Variants in DNAJC21 observed in about 807,000 individuals in gnomAD.
DNAJC21 encodes DnaJ heat shock protein family (Hsp40) member C21.
A neutral mutation model predicts 72.4 loss-of-function variants in DNAJC21; 63 were observed. The ratio of observed to expected loss-of-function variants is 0.87; its 90% CI spans 0.71 to 1.07. The LOEUF is 1.07. Among genes scored for constraint, DNAJC21 ranks in the 50% least tolerant of loss-of-function variants. DNAJC21 has a pLI of 0.00. For synonymous variants in DNAJC21, 203 were observed against 216.7 expected, an observed-to-expected ratio of 0.94 and a Z score of 0.56; for missense variants, 634 against 644.8, an observed-to-expected ratio of 0.98 and a Z score of 0.18.
Position 34,935,803 on chromosome 5 carries a change from C to T in DNAJC21, c.285C>T (p.Thr95=). 1 of 1,613,932 alleles carries T rather than the reference C, an allele frequency of 6.2e-7. No homozygotes were observed. Among genetic ancestry groups the T allele is most frequent in the Non-Finnish European group, 8.5e-7 (1 of 1,179,946 alleles). Residue 95 remains threonine, a synonymous_variant, in exon 3 of 12, where the codon ACC becomes ACT. Coordinates refer to ENST00000648817, the MANE Select transcript of DNAJC21 (RefSeq NM_001012339.3). ...ATTTGCTACGCTATTTCACCGTTAC[C>T]TGTTATTCTGGTTATGGAGATGATG... ...SLDLLRYFTV[T]CYSGYGDDEK...
intron 10 of DNAJC21, chr5:34,951,435 T>C (rs1010348923): frequency 1.0e-6 from 1 of 985,450 alleles, no homozygotes; most frequent in Non-Finnish European, 1.2e-6. Context: ...CTGTGTGTCC[T>C]GTGGGATGGG....
Position 34,933,875 on chromosome 5 carries a change from A to G in DNAJC21, c.158A>G (p.Tyr53Cys), listed in dbSNP as rs1487766937. The G allele has an allele frequency of 1.9e-6, 3 of 1,613,984 alleles. No individual in the cohort carries two copies. The highest frequency in any genetic ancestry group is 2.5e-6 in the Non-Finnish European group (3 of 1,179,940). Residue 53 changes from tyrosine to cysteine, a missense_variant, in exon 2 of 12, where the codon TAT becomes TGT. Physicochemically the swap from Tyr to Cys is radical, Grantham distance 194 (BLOSUM62 -2). Transcript: ENST00000648817. ...CAATTTAAATTAATCCAAGCAGCAT[A>G]TGATGTGTTGAGTGACCCTCAGGAA... ...AEQFKLIQAAYDVLSDPQERA... is the reference protein window; with the variant it reads ...AEQFKLIQAACDVLSDPQERA...
In DNAJC21 at chr5:34,932,743, C is replaced by T. The variant is rs182539407; in HGVS notation, c.98-1072C>T. ...GCCTCAGTGCTCTGCCGGCTATTGG[C>T]CTCCTTCACCCCATGAGCTTCTCCA... On this transcript the variant is annotated intron_variant, in intron 1 of 11. Transcript: ENST00000648817. Among the ~76,000 whole-genome samples, 8 of 152,366 alleles carry T rather than the reference C, an allele frequency of 5.3e-5. No individual in the cohort carries two copies. The East Asian group carries it at 1.5e-3, about 29-fold the overall frequency.
At chr5:34,941,236 C>T in intron 7 of DNAJC21, 53 bp downstream of exon 7, 1 of 1,531,164 alleles carries the variant, frequency 6.5e-7, no homozygotes, top group African/African-American at 1.4e-5. Flanking sequence ...CTCACTCTGT[C>T]ACCAAGGCAG....
intron 10 of DNAJC21, chr5:34,952,725 T>C (rs1765415630): frequency 6.6e-6 from 1 of 152,188 alleles, no homozygotes; most frequent in African/African-American, 2.4e-5. Flanking sequence ...AGAAAGGACA[T>C]AATTTTTAAA....
chr5:34,944,164 C>T (rs1765092793), intron 7 of DNAJC21, among the ~76,000 whole-genome samples: 1 of 152,126 alleles, frequency 6.6e-6, no homozygotes, highest in South Asian at 2.1e-4. Context: ...TTTTAGTTGC[C>T]TGTAGGTGTG....
At chr5:34,947,559 T>A (rs1765210289) in intron 9 of DNAJC21, among the ~76,000 whole-genome samples, 1 of 149,258 alleles carries the variant, frequency 6.7e-6, no homozygotes, top group Non-Finnish European at 1.5e-5. Context: ...GGTTTGTTAG[T>A]TATTTTTATG....
Position 34,935,677 on chromosome 5 carries a change from G to A in DNAJC21, c.192-33G>A, listed in dbSNP as rs570725838. 822 of 1,612,556 alleles carry A rather than the reference G, an allele frequency of 5.1e-4. 15 individuals carry two copies. The South Asian group carries it at 8.7e-3, about 17-fold the overall frequency. ...ATCCTTTTGAATTCTTACTTATTCA[G>A]CCTTCACAATGATGCTAATTTTTGT... On this transcript the variant is annotated intron_variant, in intron 2 of 11. Transcript: ENST00000648817.
chr5:34,933,718 A>C lies in DNAJC21; in HGVS notation c.98-97A>C, dbSNP rs75325846. 2.2e-3 allele frequency: 1,873 copies of C among 841,072 alleles called. 26 individuals are homozygous for C. The African/African-American group carries it at 0.029, about 13-fold the overall frequency. 52.1% of individuals were successfully genotyped at this position (841,072 alleles called of 1,614,324 possible). ...GCCCTGGTTGTTTCTTGTTTTGTGC[A>C]CGTCTCATCTGTTTGTGGCATTTCT... On this transcript the variant is annotated intron_variant, in intron 1 of 11. Coordinates refer to ENST00000648817, the MANE Select transcript of DNAJC21 (RefSeq NM_001012339.3).
intron 1 of DNAJC21, among the ~76,000 whole-genome samples, chr5:34,933,400 T>C (rs188594614): frequency 6.6e-6 from 1 of 152,214 alleles, no homozygotes; most frequent in African/African-American, 2.4e-5. Context: ...GCCTCCCGAG[T>C]AGTTGGGACT....
intron 10 of DNAJC21, chr5:34,950,605 C>T (rs1214633712): frequency 1.8e-6 from 2 of 1,084,260 alleles, no homozygotes; most frequent in African/African-American, 1.6e-5. Context: ...TTCTTGTTTA[C>T]CTTATCCTGC....
intron 9 of DNAJC21, chr5:34,949,439 GA>G: frequency 6.6e-7 from 1 of 1,514,462 alleles, no homozygotes; most frequent in South Asian, 1.3e-5. Context: ...CCCTATACAG[GA>G]AAAGGAGTAA....
intron 9 of DNAJC21, chr5:34,949,597 G>A (rs149499554): frequency 3.8e-6 from 6 of 1,587,206 alleles, no homozygotes; most frequent in Non-Finnish European, 4.3e-6. Flanking sequence ...GATGGCTTGG[G>A]GAAAAAAGTG....
chr5:34,930,168 G>T, intron 1 of DNAJC21: 1 of 288,646 alleles, frequency 3.5e-6, no homozygotes, highest in Admixed American at 5.3e-5. Context: ...CCACTGTAGG[G>T]GGAAAACTGC....
intron 9 of DNAJC21, among the ~76,000 whole-genome samples, chr5:34,948,651 A>G (rs1299500649): frequency 6.6e-6 from 1 of 152,182 alleles, no homozygotes; most frequent in Admixed American, 6.5e-5. Context: ...TGGATCACAA[A>G]GTCAGGAGTT....
chr5:34,949,349 C>T (rs1765278609), intron 9 of DNAJC21, among the ~76,000 whole-genome samples: 1 of 152,066 alleles, frequency 6.6e-6, no homozygotes, highest in African/African-American at 2.4e-5. Flanking sequence ...GGGGGAGCTG[C>T]TCTAGAATAA....
intron 1 of DNAJC21, among the ~76,000 whole-genome samples, chr5:34,931,927 T>G (rs894552993): frequency 6.6e-6 from 1 of 152,208 alleles, no homozygotes; most frequent in African/African-American, 2.4e-5. Flanking sequence ...AAACCAAACC[T>G]GTTAGGAACT....
At chr5:34,951,849 G>T (rs766441984) in intron 10 of DNAJC21, 120 of 985,354 alleles carry the variant, frequency 1.2e-4, no homozygotes, top group Non-Finnish European at 1.4e-4. Flanking sequence ...CATGAGAATT[G>T]ATCTGGGGAG....
rs1561194515 is a variant in DNAJC21, at chr5:34,954,708, CAG to C, written c.1592_1593del (p.Arg531IlefsTer13). On this transcript the variant is annotated frameshift_variant, in exon 12 of 12. Transcript: ENST00000648817. LOFTEE classifies it high-confidence loss of function. ...SQSKKEKRKN[R>X] The stretch of plus-strand genomic sequence containing the variant: ...AAAGCAAGAAAGAGAAACGTAAAAA[CAG>C]ATAGAGATTCTGCCTGTGCTTTTGT... 1 of 1,598,194 alleles carries C rather than the reference CAG, an allele frequency of 6.3e-7. No homozygotes were observed. The highest frequency in any genetic ancestry group is 1.7e-5 in the Admixed American group (1 of 57,146).
Sources: gnomAD v4.1 joint callset for allele counts (sites outside exome capture counted in the v4.1 genomes callset) on GRCh38, gnomAD v4.1.1 for gene constraint, MANE v1.5 for transcripts, NCBI Gene and HGNC (gene_info 2026-07-23, HGNC 2026-07-21) for gene names.